TENM3: variants seen among roughly 807,000 people sequenced by gnomAD.
The protein encoded by TENM3 is teneurin transmembrane protein 3, also known as teneurin-3.
A neutral mutation model predicts 255.1 loss-of-function variants in TENM3; 63 were observed. The observed-to-expected ratio is 0.25, with a 90% confidence interval of 0.20 to 0.30. TENM3 has a LOEUF of 0.30. Ranked by LOEUF, TENM3 falls within the 10% of genes least tolerant of loss-of-function variation. TENM3 has a pLI of 1.00. For missense variants in TENM3, 2,929 were observed against 3,461.1 expected, an observed-to-expected ratio of 0.85 and a Z score of 3.86; for synonymous variants, 1,306 against 1,322.3, an observed-to-expected ratio of 0.99 and a Z score of 0.27.
the TENM3 span, among the ~76,000 whole-genome samples, chr4:182,088,202 A>G: frequency 6.6e-6 from 1 of 152,242 alleles, no homozygotes; most frequent in Admixed American, 6.5e-5. Context: ...GAATACTTTA[A>G]ATCTTATATT....
intron 13 of TENM3, among the ~76,000 whole-genome samples, chr4:182,725,248 A>G (rs1760071497): frequency 6.6e-6 from 1 of 152,082 alleles, no homozygotes; most frequent in Non-Finnish European, 1.5e-5. Context: ...TGTGTTACCC[A>G]GGCCTGTCTT....
In TENM3 at chr4:182,373,266, G is replaced by A. The variant is rs547590705; in HGVS notation, c.511+26337G>A. ...GCATGGAAAGCAAGCTGGCTGCAGC[G>A]TTCATGTGACCCCTATCTTCCTAGA... On this transcript the variant is annotated intron_variant, in intron 3 of 27. Coordinates refer to ENST00000511685, the MANE Select transcript of TENM3 (RefSeq NM_001080477.4). 1.1e-4 allele frequency among the ~76,000 whole-genome samples: 16 copies of A among 152,246 alleles called. 1 individual carries two copies. In the South Asian group the frequency reaches 1.2e-3, roughly 12 times the overall value.
chr4:181,998,029 A>C, the TENM3 span, among the ~76,000 whole-genome samples: 2 of 152,230 alleles, frequency 1.3e-5, no homozygotes, highest in African/African-American at 4.8e-5. Context: ...AAAAAGAGAC[A>C]ACTTGTTTGC....
chr4:182,649,198 G>T (rs1255008677), intron 5 of TENM3, among the ~76,000 whole-genome samples: 1 of 140,430 alleles, frequency 7.1e-6, no homozygotes, highest in Non-Finnish European at 1.6e-5. Flanking sequence ...AAATTGTCTT[G>T]CAAAATACTC....
At chr4:182,711,386 A>G (rs1394214430) in intron 12 of TENM3, among the ~76,000 whole-genome samples, 2 of 152,228 alleles carry the variant, frequency 1.3e-5, no homozygotes, top group African/African-American at 2.4e-5. Flanking sequence ...TGCTGGAATC[A>G]TGACTACATT....
chr4:181,941,699 T>C, the TENM3 span, among the ~76,000 whole-genome samples: 2 of 152,218 alleles, frequency 1.3e-5, no homozygotes, highest in Non-Finnish European at 2.9e-5. Flanking sequence ...TTTGCTTTCA[T>C]CATTTACAGT....
chr4:181,903,900 G>A, the TENM3 span, among the ~76,000 whole-genome samples: 1 of 151,996 alleles, frequency 6.6e-6, no homozygotes, highest in African/African-American at 2.4e-5. Flanking sequence ...TTCTGCACTC[G>A]AGTCTTGGAT....
At chr4:181,857,191 T>C in the TENM3 span, among the ~76,000 whole-genome samples, 1 of 152,074 alleles carries the variant, frequency 6.6e-6, no homozygotes, top group East Asian at 1.9e-4. Context: ...GCACTGAATT[T>C]AGATTTGGTG....
chr4:182,577,022 C>T (rs1291751388), intron 3 of TENM3, among the ~76,000 whole-genome samples: 5 of 152,178 alleles, frequency 3.3e-5, no homozygotes, highest in Admixed American at 6.5e-5. Flanking sequence ...CCTCTGTGTT[C>T]TAGCCAGTCT....
chr4:182,688,277 G>A lies in TENM3; in HGVS notation c.2147G>A (p.Cys716Tyr). The A allele has an allele frequency of 6.2e-7, 1 of 1,613,938 alleles. No homozygotes were observed. The highest frequency in any genetic ancestry group is 8.5e-7 in the Non-Finnish European group (1 of 1,179,858). ...ACNQRACHPR[C>Y]AEHGTCKDGK... Reference sequence around the variant, plus strand: ...AATCAGAGAGCCTGCCACCCCCGCTGTGCCGAGCACGGGACCTGCAAGGAT... The same window carrying A: ...AATCAGAGAGCCTGCCACCCCCGCTATGCCGAGCACGGGACCTGCAAGGAT... Residue 716 changes from cysteine (C) to tyrosine (Y), a missense_variant, in exon 12 of 28, where the codon TGT becomes TAT. Around this residue, in one of 6 missense-constraint regions of TENM3, gnomAD observed 1,608 missense variants for 1,884.4 expected, o/e 0.85. Transcript: ENST00000511685.
chr4:181,721,473 G>A, the TENM3 span, among the ~76,000 whole-genome samples: 2,196 of 138,208 alleles, frequency 0.016, 64 homozygotes, highest in African/African-American at 0.055. Flanking sequence ...GGTGGCGGGC[G>A]CCTGTAGTCC....
At chr4:181,528,581 G>A in the TENM3 span, among the ~76,000 whole-genome samples, 1 of 152,172 alleles carries the variant, frequency 6.6e-6, no homozygotes, top group Non-Finnish European at 1.5e-5. Flanking sequence ...TGCTTTATGG[G>A]CATTAAATCA....
intron 3 of TENM3, among the ~76,000 whole-genome samples, chr4:182,372,892 TTA>T (rs1222890870): frequency 1.3e-5 from 2 of 151,800 alleles, no homozygotes; most frequent in African/African-American, 4.8e-5. Flanking sequence ...CCACACCTGG[TTA>T]TTTTATTTAT....
At chr4:182,393,882 T>C (rs892523910) in intron 3 of TENM3, among the ~76,000 whole-genome samples, 5 of 152,110 alleles carry the variant, frequency 3.3e-5, no homozygotes, top group African/African-American at 1.2e-4. Flanking sequence ...AACTATTGGA[T>C]ATCAGATACC....
chr4:182,687,969 C>T (rs1008584016), intron 11 of TENM3, among the ~76,000 whole-genome samples, 197 bp from the exon 12 acceptor site: 4 of 152,028 alleles, frequency 2.6e-5, no homozygotes, highest in South Asian at 2.1e-4. Flanking sequence ...TGAATAAAGA[C>T]GTAGAGTTCC....
the TENM3 span, among the ~76,000 whole-genome samples, chr4:181,727,783 G>T: frequency 6.6e-6 from 1 of 152,126 alleles, no homozygotes; most frequent in African/African-American, 2.4e-5. Context: ...TTAAGGATAC[G>T]TTTTTTAAAT....
At chr4:181,636,700 G>T in the TENM3 span, among the ~76,000 whole-genome samples, 1 of 152,168 alleles carries the variant, frequency 6.6e-6, no homozygotes, top group Non-Finnish European at 1.5e-5. Flanking sequence ...TGTCTTACTG[G>T]ATTATTGGAA....
chr4:181,746,825 A>G, the TENM3 span, among the ~76,000 whole-genome samples: 1 of 150,912 alleles, frequency 6.6e-6, no homozygotes, highest in East Asian at 1.9e-4. Context: ...TTTACTTTTG[A>G]TGTATATTAT....
intron 1 of TENM3, among the ~76,000 whole-genome samples, chr4:182,226,533 C>CAT (rs1008075903): frequency 9.9e-5 from 15 of 151,982 alleles, no homozygotes; most frequent in Non-Finnish European, 1.8e-4. Flanking sequence ...TGATGATGAG[C>CAT]ATATATATAT....
Sources: allele counts gnomAD v4.1 joint callset (sites outside exome capture counted in the v4.1 genomes callset), GRCh38; gene constraint gnomAD v4.1.1; regional missense constraint gnomAD v4.1.1; transcripts MANE v1.5; gene names NCBI Gene and HGNC (gene_info 2026-07-23, HGNC 2026-07-21).